The following CPNE8 variants were observed in gnomAD, a reference collection of about 807,000 sequenced individuals.
CPNE8 encodes the protein copine-8.
A neutral mutation model predicts 81.5 loss-of-function variants in CPNE8; 45 were observed. The observed-to-expected ratio is 0.55, with a 90% CI of 0.44 to 0.71. The LOEUF (loss-of-function observed/expected upper bound fraction) is 0.71. Ranked by LOEUF, CPNE8 falls within the 30% of genes least tolerant of loss-of-function variation. The probability of loss-of-function intolerance (pLI) is 0.00; values close to 1 mark genes in which losing one functional copy is unlikely to be tolerated. For missense variants in CPNE8, 594 were observed against 672.1 expected (o/e 0.88, Z 1.28); for synonymous variants, 252 against 226.3 (o/e 1.11, Z -1.02).
chr12:38,784,710 G>T (rs1051029369), intron 6 of CPNE8, among the ~76,000 whole-genome samples: 5 of 151,816 alleles, frequency 3.3e-5, no homozygotes, highest in Non-Finnish European at 7.4e-5. Context: ...GGACACAAAA[G>T]AGTGGCATGA....
intron 1 of CPNE8, 76 bp from the exon 2 acceptor site, chr12:38,874,587 G>A (rs1944041046): frequency 1.1e-6 from 1 of 883,384 alleles, no homozygotes; most frequent in Non-Finnish European, 1.8e-6. Flanking sequence ...ATTAAAATGT[G>A]TATGTACATA....
intron 10 of CPNE8, among the ~76,000 whole-genome samples, chr12:38,748,014 A>T (rs1177875754): frequency 6.6e-6 from 1 of 151,796 alleles, no homozygotes; most frequent in Non-Finnish European, 1.5e-5. Flanking sequence ...TTATTTATTT[A>T]TTTATTTTTT....
At chr12:38,801,816 T>C (rs945715403) in intron 6 of CPNE8, among the ~76,000 whole-genome samples, 4 of 104,398 alleles carry the variant, frequency 3.8e-5, no homozygotes, top group Middle Eastern at 5.7e-3. Context: ...GAGGAAGATC[T>C]ACCAAGCCAA....
intron 6 of CPNE8, among the ~76,000 whole-genome samples, chr12:38,798,201 C>A (rs529307276): frequency 6.6e-6 from 1 of 152,030 alleles, no homozygotes; most frequent in Non-Finnish European, 1.5e-5. Flanking sequence ...ACAGAGAACG[C>A]CACAAAGATA....
intron 13 of CPNE8, among the ~76,000 whole-genome samples, chr12:38,706,131 T>A (rs1405269593): frequency 6.6e-6 from 1 of 152,108 alleles, no homozygotes; most frequent in African/African-American, 2.4e-5. Flanking sequence ...ACTAATCTGT[T>A]TCTCCAGTTA....
intron 10 of CPNE8, among the ~76,000 whole-genome samples, chr12:38,742,526 T>C (rs1941131321): frequency 8.6e-6 from 1 of 116,170 alleles, no homozygotes; most frequent in Non-Finnish European, 1.9e-5. Context: ...CTGGGTCCTG[T>C]TGTGGGGTGG....
chr12:38,862,089 A>T (rs1943844871), intron 3 of CPNE8, among the ~76,000 whole-genome samples: 2 of 152,154 alleles, frequency 1.3e-5, no homozygotes. Context: ...CCACCAATAG[A>T]TTTGTTAAAG....
At chr12:38,807,002 C>A (rs377317698) in intron 6 of CPNE8, among the ~76,000 whole-genome samples, 1 of 151,714 alleles carries the variant, frequency 6.6e-6, no homozygotes, top group Non-Finnish European at 1.5e-5. Context: ...CCATTCACAA[C>A]TGCTTCAAAG....
chr12:38,657,388 G>A (rs984415970), intron 19 of CPNE8, among the ~76,000 whole-genome samples: 2 of 152,296 alleles, frequency 1.3e-5, no homozygotes, highest in Admixed American at 6.5e-5. Context: ...CTCGAACTGG[G>A]TGGAGCCCAC....
chr12:38,754,364 T>C (rs569597375), intron 10 of CPNE8, among the ~76,000 whole-genome samples: 10 of 152,060 alleles, frequency 6.6e-5, no homozygotes, highest in Non-Finnish European at 1.5e-4. Flanking sequence ...GAAAAAGCCT[T>C]TTCCTCTGAA....
chr12:38,756,384 C>T (rs915193047), intron 10 of CPNE8, among the ~76,000 whole-genome samples: 7 of 145,092 alleles, frequency 4.8e-5, no homozygotes, highest in Non-Finnish European at 9.0e-5. Context: ...ACAGGGGTCT[C>T]ACTCTGTCAC....
intron 10 of CPNE8, among the ~76,000 whole-genome samples, chr12:38,746,622 A>G (rs1417115230): frequency 6.6e-6 from 1 of 152,232 alleles, no homozygotes; most frequent in Non-Finnish European, 1.5e-5. Context: ...CATCTTTATA[A>G]GAAATCATTC....
chr12:38,792,066 C>A (rs1942338122), intron 6 of CPNE8, among the ~76,000 whole-genome samples: 1 of 147,336 alleles, frequency 6.8e-6, no homozygotes, highest in Admixed American at 6.8e-5. Context: ...ACATACCAAA[C>A]TTATGATATA....
intron 18 of CPNE8, among the ~76,000 whole-genome samples, chr12:38,672,479 C>CA (rs1939197075): frequency 6.6e-6 from 1 of 152,122 alleles, no homozygotes; most frequent in Non-Finnish European, 1.5e-5. Context: ...GGTCCTCAAG[C>CA]AGGTGGAGAT....
At chr12:38,717,646 T>C (rs1940439451) in intron 13 of CPNE8, among the ~76,000 whole-genome samples, 1 of 151,344 alleles carries the variant, frequency 6.6e-6, no homozygotes, top group African/African-American at 2.4e-5. Flanking sequence ...ACAACGGACT[T>C]TGGGGATTTG....
chr12:38,725,722 A>G (rs1415234619), intron 11 of CPNE8, among the ~76,000 whole-genome samples: 1 of 152,222 alleles, frequency 6.6e-6, no homozygotes, highest in Non-Finnish European at 1.5e-5. Flanking sequence ...AGAAAAAGCA[A>G]CTGACCCAGG....
In CPNE8 at chr12:38,723,824, G is replaced by C; in HGVS notation, c.862C>G (p.Leu288Val). 1 of 1,577,736 alleles carries C rather than the reference G, an allele frequency of 6.3e-7. No homozygotes were observed. The highest frequency in any genetic ancestry group is 8.7e-7 in the Non-Finnish European group (1 of 1,149,040). Residue 288 changes from leucine to valine, a missense_variant, in exon 13 of 20, where the codon CTC (leucine) becomes GTC (valine). Physicochemically the swap from Leu to Val is conservative, Grantham distance 32. Transcript: ENST00000331366. ...KYTNSGTVTL[L>V]SFLVETEVSF... is the part of the protein sequence containing the mutation. Reference sequence around the variant, plus strand: ...ACTTCTGTTTCTACCAAGAAAGAGAGTAAAGTTACCTGAAAAAGAAAAAGA... The same window carrying C: ...ACTTCTGTTTCTACCAAGAAAGAGACTAAAGTTACCTGAAAAAGAAAAAGA...
chr12:38,743,609 G>C (rs1169767185), intron 10 of CPNE8, among the ~76,000 whole-genome samples: 2 of 151,906 alleles, frequency 1.3e-5, no homozygotes, highest in Non-Finnish European at 2.9e-5. Flanking sequence ...CTCATATGTT[G>C]ATACAAATTA....
At chr12:38,785,554 CCTGCACATATTCT>C (rs1490747076) in intron 6 of CPNE8, among the ~76,000 whole-genome samples, 4 of 152,020 alleles carry the variant, frequency 2.6e-5, no homozygotes, top group Non-Finnish European at 4.4e-5. Flanking sequence ...GGGGAGTTCC[CCTGCACATATTCT>C]CTCCATGTAA....
Sources: gnomAD v4.1 joint callset for allele counts (sites outside exome capture counted in the v4.1 genomes callset) on GRCh38, gnomAD v4.1.1 for gene constraint, MANE v1.5 for transcripts, NCBI Gene and HGNC (gene_info 2026-07-23, HGNC 2026-07-21) for gene names.